Variants in ESRRB observed in about 807,000 individuals in gnomAD.
The protein encoded by ESRRB is steroid hormone receptor ERR2.
A neutral mutation model predicts 46.0 loss-of-function variants in ESRRB; 16 were observed. That is an observed-to-expected ratio of 0.35 (90% confidence interval 0.24 to 0.53). ESRRB has a LOEUF of 0.53. Among genes scored for constraint, ESRRB ranks in the 20% least tolerant of loss-of-function variants. The probability of loss-of-function intolerance (pLI) is 0.93; values close to 1 mark genes in which losing one functional copy is unlikely to be tolerated. For missense variants in ESRRB, 488 were observed against 607.4 expected (o/e 0.80, Z 2.07); for synonymous variants, 246 against 259.6 (o/e 0.95, Z 0.50).
At chr14:76,311,335 C>A (rs1448365910) in intron 1 of ESRRB, among the ~76,000 whole-genome samples, 2 of 152,274 alleles carry the variant, frequency 1.3e-5, no homozygotes, top group East Asian at 3.9e-4. Context: ...CGGTGTAGGG[C>A]AAGCTGGGGA....
intron 1 of ESRRB, among the ~76,000 whole-genome samples, chr14:76,397,663 G>C (rs1885751193): frequency 6.6e-6 from 1 of 152,212 alleles, no homozygotes; most frequent in African/African-American, 2.4e-5. Context: ...CCAGCACTTT[G>C]AGAGGCCAAG....
chr14:76,313,731 C>T (rs1883765889), intron 1 of ESRRB, among the ~76,000 whole-genome samples: 1 of 152,248 alleles, frequency 6.6e-6, no homozygotes, highest in African/African-American at 2.4e-5. Context: ...TATCACTTCA[C>T]TTCTACAGTA....
chr14:76,500,405 GGTGGA>G lies in ESRRB; in HGVS notation c.*1949_*1953del, dbSNP rs1331356602. On this transcript the variant is annotated 3_prime_UTR_variant, in exon 7 of 7. Coordinates refer to ENST00000644823, the MANE Select transcript of ESRRB (RefSeq NM_001379180.1). ...CATGCAGCCCATCTTCCCTCATTTG[GGTGGA>G]GGCACACATTTGGGGCAAAGGCCCC... The G allele has an allele frequency of 3.4e-6, 2 of 587,278 alleles. No individual in the cohort carries two copies. Among genetic ancestry groups the G allele is most frequent in the African/African-American group, 3.7e-5 (2 of 53,710 alleles). 36.4% of individuals were successfully genotyped at this position (587,278 alleles called of 1,614,324 possible).
chr14:76,470,848 G>A (rs1489806105), intron 3 of ESRRB, among the ~76,000 whole-genome samples: 2 of 152,092 alleles, frequency 1.3e-5, no homozygotes, highest in Non-Finnish European at 2.9e-5. Context: ...CCAACATGTG[G>A]GGCTAATTTA....
intron 1 of ESRRB, among the ~76,000 whole-genome samples, chr14:76,390,877 C>G (rs1885440779): frequency 6.6e-6 from 1 of 152,120 alleles, no homozygotes. Context: ...CATGGTTGAA[C>G]AGGTGAGGCA....
Position 76,491,460 on chromosome 14 carries a change from C to T in ESRRB, c.864C>T (p.Leu288=). The T allele has an allele frequency of 6.2e-7, 1 of 1,608,900 alleles. No individual in the cohort carries two copies. Among genetic ancestry groups the T allele is most frequent in the Non-Finnish European group, 8.5e-7 (1 of 1,178,266 alleles). ...WAKHIPGFSS[L]SLGDQMSLLQ... is the part of the protein sequence containing the mutation. ...CTCTTCCTGCAGGCTTCTCAAGCCT[C>T]TCCCTGGGGGACCAGATGAGCCTGC... The change falls in exon 6 of 7, where the codon CTC becomes CTT. Residue 288 remains leucine (L), a synonymous_variant. Coordinates refer to ENST00000644823, the MANE Select transcript of ESRRB (RefSeq NM_001379180.1).
In ESRRB at chr14:76,399,305, T is replaced by A. The variant is rs552995365; in HGVS notation, c.50+22854T>A. On this transcript the variant is annotated intron_variant, in intron 1 of 6. Transcript: ENST00000644823. ...GGGGTTCCCTGGTATTGCTCTGTGA[T>A]CTTTAGACAAGCCACTTAGCCTCTG... 3.9e-5 allele frequency among the ~76,000 whole-genome samples: 6 copies of A among 152,252 alleles called. No homozygotes were observed. In the South Asian group the frequency reaches 1.2e-3, roughly 32 times the overall value.
Position 76,332,921 on chromosome 14 carries a change from T to TTTAC in ESRRB, c.2+22005_2+22006insTTAC, listed in dbSNP as rs1332354389. ...ATATTATATACTTATATATTATATATATTTATATATTATATACTTATATAT... is the reference window on the plus strand; with the variant it reads ...ATATTATATACTTATATATTATATATTTACATTTATATATTATATACTTATATAT... On this transcript the variant is annotated intron_variant, in intron 1 of 6. Transcript: ENST00000512784. Among the ~76,000 whole-genome samples, 110 of 17,352 alleles carry TTTAC rather than the reference T, an allele frequency of 6.3e-3. 9 individuals are homozygous for TTTAC. Among genetic ancestry groups the TTTAC allele is most frequent in the Non-Finnish European group, 8.3e-3 (85 of 10,182 alleles). The allele number at this position is 17,352 out of a possible 152,430, so 11.4% of individuals were successfully genotyped here. A position where few individuals can be genotyped will look rare whatever the true frequency, so the allele number is the denominator to read the frequency against.
rs1433317105 is a variant in ESRRB, at chr14:76,331,335, T to C, written c.2+20419T>C. Among the ~76,000 whole-genome samples the C allele has an allele frequency of 2.0e-5, 3 of 152,180 alleles. No homozygotes were observed. The East Asian group carries it at 5.8e-4, about 29-fold the overall frequency. On this transcript the variant is annotated intron_variant, in intron 1 of 6. Transcript: ENST00000512784. Reference sequence around the variant, plus strand: ...TAGAGTCAAATCCTGGCCCCATCTGTGAATTCACCTTTGTGCCTCAGTTTC... The same window carrying C: ...TAGAGTCAAATCCTGGCCCCATCTGCGAATTCACCTTTGTGCCTCAGTTTC...
chr14:76,436,976 G>C (rs1460288642), intron 1 of ESRRB, among the ~76,000 whole-genome samples: 1 of 152,106 alleles, frequency 6.6e-6, no homozygotes, highest in Non-Finnish European at 1.5e-5. Flanking sequence ...CTATGGGAAA[G>C]TGAGTTCCTT....
chr14:76,365,780 A>G (rs1884515053), intron 1 of ESRRB, among the ~76,000 whole-genome samples: 1 of 152,208 alleles, frequency 6.6e-6, no homozygotes, highest in Non-Finnish European at 1.5e-5. Context: ...TAGACCAACA[A>G]AAGATTTTCT....
intron 1 of ESRRB, among the ~76,000 whole-genome samples, chr14:76,316,334 G>A (rs150831690): frequency 2.0e-4 from 31 of 152,276 alleles, no homozygotes; most frequent in African/African-American, 7.5e-4. Flanking sequence ...CCTGATTGAA[G>A]CAGGGGACTG....
chr14:76,379,636 T>TAA (rs1884925410), intron 1 of ESRRB, among the ~76,000 whole-genome samples: 1 of 151,430 alleles, frequency 6.6e-6, no homozygotes, highest in Non-Finnish European at 1.5e-5. Context: ...AGAGGATGGG[T>TAA]GATAGGAGGT....
At chr14:76,405,491 G>C (rs1300141367) in intron 1 of ESRRB, among the ~76,000 whole-genome samples, 1 of 152,156 alleles carries the variant, frequency 6.6e-6, no homozygotes. Flanking sequence ...AAGTTGCCTT[G>C]GGAAGTAGTG....
chr14:76,369,420 C>T (rs1375324616), upstream of ESRRB, among the ~76,000 whole-genome samples: 1 of 151,604 alleles, frequency 6.6e-6, no homozygotes, highest in Non-Finnish European at 1.5e-5. Flanking sequence ...ACTACAGGCA[C>T]ACACCACAGT....
intron 1 of ESRRB, among the ~76,000 whole-genome samples, chr14:76,358,574 C>T (rs111371494): frequency 6.6e-6 from 1 of 151,888 alleles, no homozygotes; most frequent in South Asian, 2.1e-4. Flanking sequence ...TTAGGATATG[C>T]GAACACTTCT....
chr14:76,396,882 G>C (rs944087730), intron 1 of ESRRB, among the ~76,000 whole-genome samples: 1 of 152,212 alleles, frequency 6.6e-6, no homozygotes, highest in Non-Finnish European at 1.5e-5. Flanking sequence ...TCCACTTCAC[G>C]CCTCATGGAG....
At chr14:76,480,555 C>T (rs1033708232) in intron 3 of ESRRB, among the ~76,000 whole-genome samples, 3 of 152,174 alleles carry the variant, frequency 2.0e-5, no homozygotes, top group Non-Finnish European at 4.4e-5. Flanking sequence ...AAGAAACAGC[C>T]AGAAAATAGC....
intron 1 of ESRRB, among the ~76,000 whole-genome samples, chr14:76,411,771 T>C (rs1053328284): frequency 3.5e-4 from 53 of 152,326 alleles, no homozygotes; most frequent in African/African-American, 1.2e-3. Context: ...CAATAAATAT[T>C]AGTGATTAGT....
Sources: allele counts gnomAD v4.1 joint callset (sites outside exome capture counted in the v4.1 genomes callset), GRCh38; gene constraint gnomAD v4.1.1; transcripts MANE v1.5; gene names NCBI Gene and HGNC (gene_info 2026-07-23, HGNC 2026-07-21).